USP28: variants seen among roughly 807,000 people sequenced by gnomAD.
USP28 encodes the protein ubiquitin carboxyl-terminal hydrolase 28.
Under a neutral mutation model 145.0 loss-of-function variants are expected in USP28, and 113 were observed. The observed-to-expected ratio is 0.78, with a 90% CI of 0.67 to 0.91. The LOEUF is 0.91. Ranked by LOEUF, USP28 falls within the 40% of genes least tolerant of loss-of-function variation. The probability of loss-of-function intolerance (pLI) is 0.00; values close to 1 mark genes in which losing one functional copy is unlikely to be tolerated. For missense variants in USP28, 1,201 were observed against 1,289.6 expected, an observed-to-expected ratio of 0.93 and a Z score of 1.05; for synonymous variants, 447 against 450.9, an observed-to-expected ratio of 0.99 and a Z score of 0.11.
intron 1 of USP28, among the ~76,000 whole-genome samples, chr11:113,868,660 C>A (rs1273092469): frequency 3.9e-5 from 6 of 152,112 alleles, no homozygotes; most frequent in Non-Finnish European, 8.8e-5. Context: ...ATGGTTCACG[C>A]CTGTAATCCC....
At chr11:113,842,112 T>C (rs1369922591) in intron 3 of USP28, among the ~76,000 whole-genome samples, 5 of 152,164 alleles carry the variant, frequency 3.3e-5, no homozygotes, top group African/African-American at 1.2e-4. Context: ...AGGGAACAGA[T>C]ATTTTAAATC....
At position 113,840,657 on chromosome 11, in the gene USP28, C is replaced by T. The variant is rs377343658; in HGVS notation, c.475G>A (p.Gly159Ser). The T allele has an allele frequency of 1.9e-6, 3 of 1,614,074 alleles. No homozygotes were observed. Among genetic ancestry groups the T allele is most frequent in the African/African-American group, 2.7e-5 (2 of 74,930 alleles). ...ACATTTTTCAGCCCAACTGGCCAACCATCAACTCTCCTCCAGTCATTGGGA... is the reference window on the plus strand; with the variant it reads ...ACATTTTTCAGCCCAACTGGCCAACTATCAACTCTCCTCCAGTCATTGGGA... Residue 159 changes from glycine (G) to serine (S), a missense_variant, in exon 5 of 25, where the codon GGT becomes AGT. Transcript: ENST00000003302.
intron 1 of USP28, among the ~76,000 whole-genome samples, chr11:113,864,986 G>A (rs1250325043): frequency 6.6e-6 from 1 of 152,082 alleles, no homozygotes; most frequent in African/African-American, 2.4e-5. Flanking sequence ...ACAGATGTGT[G>A]CCATCAAGCC....
chr11:113,836,477 G>A (rs6589398), intron 5 of USP28, among the ~76,000 whole-genome samples: 77,428 of 151,748 alleles, frequency 0.51, 20,889 homozygotes, highest in Non-Finnish European at 0.6. Context: ...TAAGTACCTC[G>A]CTAATATGGC....
At chr11:113,802,556 G>A (rs536476362) in intron 23 of USP28, among the ~76,000 whole-genome samples, 3 of 152,252 alleles carry the variant, frequency 2.0e-5, no homozygotes, top group East Asian at 3.9e-4. Flanking sequence ...TAAACCCCTG[G>A]GGAGGCAAGG....
At chr11:113,857,065 A>G (rs559905332) in intron 1 of USP28, among the ~76,000 whole-genome samples, 1 of 152,336 alleles carries the variant, frequency 6.6e-6, no homozygotes, top group South Asian at 2.1e-4. Context: ...AAACAAAGAA[A>G]GGAAAACTGC....
At position 113,813,874 on chromosome 11, in the gene USP28, T is replaced by G. The variant is rs765047563; in HGVS notation, c.1743+11A>C. 2 of 1,609,336 alleles carry G rather than the reference T, an allele frequency of 1.2e-6. No individual in the cohort carries two copies. The highest frequency in any genetic ancestry group is 1.7e-5 in the Admixed American group (1 of 59,864). ...ATGCCTTGACTACTTTCCCATCAAT[T>G]TTCATTCTACCTGACGAAGGAGAGG... On this transcript the variant is annotated intron_variant, in intron 15 of 24. Transcript: ENST00000003302.
At chr11:113,817,925 G>T in intron 12 of USP28, 88 bp from the exon 13 acceptor site, 1 of 1,400,662 alleles carries the variant, frequency 7.1e-7, no homozygotes, top group Non-Finnish European at 9.9e-7. Context: ...ATCACAGCAA[G>T]TCAATGGAAA....
intron 16 of USP28, among the ~76,000 whole-genome samples, chr11:113,811,347 G>A (rs1319408557): frequency 6.6e-6 from 1 of 152,158 alleles, no homozygotes; most frequent in Non-Finnish European, 1.5e-5. Context: ...ATTGCTCTCT[G>A]TATGAGTAGT....
At chr11:113,830,655 A>C (rs1309455474) in intron 9 of USP28, among the ~76,000 whole-genome samples, 1 of 152,174 alleles carries the variant, frequency 6.6e-6, no homozygotes, top group East Asian at 1.9e-4. Context: ...ATCTGAGATA[A>C]AGATTGTGCA....
chr11:113,828,919 G>A (rs1591296265), intron 10 of USP28: 1 of 573,338 alleles, frequency 1.7e-6, no homozygotes. Flanking sequence ...GGTACAGGTA[G>A]GCTTCAACAG....
At chr11:113,832,441 T>C (rs1944107549) in intron 7 of USP28, among the ~76,000 whole-genome samples, 1 of 152,046 alleles carries the variant, frequency 6.6e-6, no homozygotes, top group African/African-American at 2.4e-5. Flanking sequence ...CTGAATATCA[T>C]GAAAACATAG....
exon 11 of USP28, chr11:113,827,334 C>A (rs886448827): frequency 6.2e-7 from 1 of 1,606,036 alleles, no homozygotes; most frequent in Admixed American, 1.7e-5. Flanking sequence ...CAAAGGTCAA[C>A]ACTGGAGGTA....
intron 13 of USP28, among the ~76,000 whole-genome samples, chr11:113,816,281 C>A (rs764290809): frequency 6.6e-6 from 1 of 152,242 alleles, no homozygotes; most frequent in East Asian, 1.9e-4. Flanking sequence ...CTTTGGGAGG[C>A]TAAGGAGGGC....
At chr11:113,859,995 AAGG>A (rs1182162364) in intron 1 of USP28, among the ~76,000 whole-genome samples, 7 of 152,196 alleles carry the variant, frequency 4.6e-5, no homozygotes, top group African/African-American at 1.7e-4. Flanking sequence ...ACTTCTCAGG[AAGG>A]AGATTTTCTT....
chr11:113,874,569 A>G (rs1411747282), intron 1 of USP28: 2 of 1,288,834 alleles, frequency 1.6e-6, no homozygotes, highest in African/African-American at 3.0e-5. Context: ...TCTCATCTCC[A>G]AACTCGTATT....
At chr11:113,826,694 C>T (rs1216633899) in intron 11 of USP28, among the ~76,000 whole-genome samples, 5 of 151,822 alleles carry the variant, frequency 3.3e-5, no homozygotes, top group Non-Finnish European at 7.4e-5. Flanking sequence ...CCAAGGCAGG[C>T]GGATCACCTG....
At chr11:113,803,986 G>T in intron 21 of USP28, 109 bp from the exon 23 acceptor site, 1 of 902,304 alleles carries the variant, frequency 1.1e-6, no homozygotes, top group Non-Finnish European at 1.6e-6. Flanking sequence ...CATCTGGCTA[G>T]CCACAAAAAT....
At chr11:113,852,720 C>T in intron 2 of USP28, 87 bp from the exon 3 acceptor site, 1 of 1,425,644 alleles carries the variant, frequency 7.0e-7, no homozygotes, top group Non-Finnish European at 9.6e-7. Context: ...ACCCTGGTGA[C>T]ACACTGAGTA....
Sources: gnomAD v4.1 joint callset for allele counts (sites outside exome capture counted in the v4.1 genomes callset) on GRCh38, gnomAD v4.1.1 for gene constraint, MANE v1.5 for transcripts, NCBI Gene and HGNC (gene_info 2026-07-23, HGNC 2026-07-21) for gene names.